MAPKAP1: variants seen among roughly 807,000 people sequenced by gnomAD.
MAPKAP1 encodes the protein target of rapamycin complex 2 subunit MAPKAP1.
Under a neutral mutation model 65.7 loss-of-function variants are expected in MAPKAP1, and 20 were observed. The observed-to-expected ratio is 0.30, with a 90% CI of 0.21 to 0.44. The LOEUF (loss-of-function observed/expected upper bound fraction) is 0.44, where lower values mean the gene tolerates loss of function less well. Ranked by LOEUF, MAPKAP1 falls within the 20% of genes least tolerant of loss-of-function variation. The pLI is 1.00. For missense variants in MAPKAP1, 423 were observed against 648.0 expected (o/e 0.65, Z 3.77); for synonymous variants, 222 against 244.3 (o/e 0.91, Z 0.85).
intron 3 of MAPKAP1, among the ~76,000 whole-genome samples, chr9:125,659,432 A>C (rs1305918111): frequency 2.0e-5 from 3 of 152,114 alleles, no homozygotes; most frequent in African/African-American, 7.2e-5. Context: ...TCCTCAACCT[A>C]ACACCTCCTC....
intron 4 of MAPKAP1, among the ~76,000 whole-genome samples, chr9:125,615,585 G>A (rs1249969706): frequency 1.3e-5 from 2 of 149,806 alleles, no homozygotes; most frequent in African/African-American, 5.0e-5. Flanking sequence ...CAGGGCAATA[G>A]GTTAAGAATA....
At chr9:125,669,489 T>A (rs866788274) in intron 3 of MAPKAP1, among the ~76,000 whole-genome samples, 30 of 151,858 alleles carry the variant, frequency 2.0e-4, no homozygotes, top group African/African-American at 5.3e-4. Context: ...TCAAAAAAAA[T>A]AATAATAATA....
chr9:125,694,665 C>T (rs1471314657), intron 1 of MAPKAP1, among the ~76,000 whole-genome samples: 3 of 152,146 alleles, frequency 2.0e-5, no homozygotes, highest in African/African-American at 7.2e-5. Context: ...AAATAGCTCA[C>T]CAAGTGAAGG....
intron 5 of MAPKAP1, among the ~76,000 whole-genome samples, chr9:125,583,820 T>C (rs1323953561): frequency 2.0e-5 from 3 of 152,150 alleles, no homozygotes; most frequent in Non-Finnish European, 4.4e-5. Flanking sequence ...TCCCAACACT[T>C]TGAGAGGCCG....
rs529928934 is a variant in MAPKAP1, at chr9:125,457,846, C to A, written c.1345+10126G>T. Reference sequence around the variant, plus strand: ...GCTTGCCCAGCCTTGTAAGGTCCCACTGCAGGCATGCATAGTTTAGTATAC... The same window carrying A: ...GCTTGCCCAGCCTTGTAAGGTCCCAATGCAGGCATGCATAGTTTAGTATAC... On this transcript the variant is annotated intron_variant, in intron 10 of 11. Transcript: ENST00000265960. 1.1e-4 allele frequency among the ~76,000 whole-genome samples: 17 copies of A among 152,348 alleles called. No homozygotes were observed. In the South Asian group the frequency reaches 3.5e-3, roughly 32 times the overall value.
At chr9:125,644,813 T>C (rs1397083352) in intron 4 of MAPKAP1, among the ~76,000 whole-genome samples, 2 of 152,260 alleles carry the variant, frequency 1.3e-5, no homozygotes, top group Admixed American at 6.5e-5. Flanking sequence ...ATTCTTGCTG[T>C]CTCATTTAAA....
At chr9:125,622,631 A>C (rs1832941130) in intron 4 of MAPKAP1, among the ~76,000 whole-genome samples, 2 of 151,952 alleles carry the variant, frequency 1.3e-5, no homozygotes, top group South Asian at 4.2e-4. Context: ...TTTTTAGTAG[A>C]GAAAGGGTTT....
At chr9:125,459,060 G>A (rs1853339264) in intron 10 of MAPKAP1, among the ~76,000 whole-genome samples, 1 of 137,314 alleles carries the variant, frequency 7.3e-6, no homozygotes, top group East Asian at 2.3e-4. Context: ...TTCTCAGACG[G>A]GGCGGTTGCC....
intron 7 of MAPKAP1, among the ~76,000 whole-genome samples, chr9:125,539,441 G>A (rs1436304998): frequency 6.6e-6 from 1 of 152,194 alleles, no homozygotes; most frequent in Non-Finnish European, 1.5e-5. Flanking sequence ...CTCTTCTGTA[G>A]ATCTAGAGGT....
chr9:125,548,344 C>A (rs904678337), intron 6 of MAPKAP1, among the ~76,000 whole-genome samples: 3 of 152,148 alleles, frequency 2.0e-5, no homozygotes, highest in Admixed American at 2.0e-4. Flanking sequence ...ACATAGGGCA[C>A]GTAACCCAGC....
At chr9:125,506,491 A>G (rs1829146936) in intron 7 of MAPKAP1, 74 bp from the exon 8 acceptor site, 1 of 1,190,432 alleles carries the variant, frequency 8.4e-7, no homozygotes, top group African/African-American at 1.5e-5. Flanking sequence ...AACACCACAT[A>G]CTGGTGAAAA....
At chr9:125,511,205 A>AT (rs1829292518) in intron 7 of MAPKAP1, among the ~76,000 whole-genome samples, 2 of 148,286 alleles carry the variant, frequency 1.3e-5, no homozygotes, top group South Asian at 2.2e-4. Flanking sequence ...CATCATCATC[A>AT]GACTGTAATA....
At chr9:125,633,359 C>A (rs1216120844) in intron 4 of MAPKAP1, among the ~76,000 whole-genome samples, 3 of 152,334 alleles carry the variant, frequency 2.0e-5, no homozygotes, top group Middle Eastern at 3.4e-3. Context: ...AAAGCAAGTT[C>A]TTCCTGCTGG....
chr9:125,646,675 A>AGAGG (rs1334369425), intron 4 of MAPKAP1, among the ~76,000 whole-genome samples: 1 of 152,254 alleles, frequency 6.6e-6, no homozygotes, highest in Non-Finnish European at 1.5e-5. Flanking sequence ...TAAAATAGAA[A>AGAGG]GAGGAAAAAA....
intron 4 of MAPKAP1, among the ~76,000 whole-genome samples, chr9:125,619,963 C>T (rs1564586091): frequency 6.6e-6 from 1 of 152,102 alleles, no homozygotes; most frequent in Non-Finnish European, 1.5e-5. Context: ...TGTCAAGATT[C>T]TTAAATAAAA....
At chr9:125,544,578 C>T (rs1392328325) in intron 6 of MAPKAP1, among the ~76,000 whole-genome samples, 2 of 152,188 alleles carry the variant, frequency 1.3e-5, no homozygotes, top group African/African-American at 2.4e-5. Flanking sequence ...GCAAGTATCA[C>T]AAATACTACT....
In MAPKAP1 at chr9:125,634,895, G is replaced by T. The variant is rs997427007; in HGVS notation, c.498+22756C>A. On this transcript the variant is annotated intron_variant, in intron 4 of 11. Coordinates refer to ENST00000265960, the MANE Select transcript of MAPKAP1 (RefSeq NM_001006617.3). ...TTTTTCAGGTGAAGACTCTCAAAGA[G>T]TTCATGTGAAGGAATGACAACAAGG... 3.9e-5 allele frequency among the ~76,000 whole-genome samples: 6 copies of T among 152,140 alleles called. No homozygotes were observed. In the South Asian group the frequency reaches 1.2e-3, roughly 32 times the overall value.
At chr9:125,560,477 A>G (rs1209337976) in intron 5 of MAPKAP1, among the ~76,000 whole-genome samples, 1 of 152,168 alleles carries the variant, frequency 6.6e-6, no homozygotes, top group East Asian at 1.9e-4. Flanking sequence ...CCAGCTACTC[A>G]GGAGGCTGAG....
chr9:125,574,287 AGAG>A (rs1255176700), intron 5 of MAPKAP1, among the ~76,000 whole-genome samples: 1 of 152,248 alleles, frequency 6.6e-6, no homozygotes, highest in Non-Finnish European at 1.5e-5. Context: ...CAGAATGCCA[AGAG>A]GAGAAGAATG....
Sources: allele counts gnomAD v4.1 joint callset (sites outside exome capture counted in the v4.1 genomes callset), GRCh38; gene constraint gnomAD v4.1.1; transcripts MANE v1.5; gene names NCBI Gene and HGNC (gene_info 2026-07-23, HGNC 2026-07-21).